The following COL4A3 variants were observed in gnomAD, a reference collection of about 807,000 sequenced individuals.
COL4A3 encodes collagen alpha-3(IV) chain.
In COL4A3, 135 loss-of-function variants were observed where a neutral mutation model predicts 217.4. That is an observed-to-expected ratio of 0.62 (90% CI 0.54 to 0.72). The LOEUF is 0.72. Among genes scored for constraint, COL4A3 ranks in the 30% least tolerant of loss-of-function variants. COL4A3 has a pLI of 0.00. For synonymous variants in COL4A3, 690 were observed against 736.3 expected (o/e 0.94, Z 1.02); for missense variants, 1,868 against 2,119.9 (o/e 0.88, Z 2.33).
intron 1 of COL4A3, among the ~76,000 whole-genome samples, chr2:227,231,635 C>T (rs1166298699): frequency 6.6e-6 from 1 of 152,154 alleles, no homozygotes; most frequent in African/African-American, 2.4e-5. Context: ...ATCCTCCCAT[C>T]TCAGCCCTCT....
intron 7 of COL4A3, 78 bp downstream of exon 7, chr2:227,246,816 C>A (rs764180248): frequency 4.1e-6 from 5 of 1,226,412 alleles, no homozygotes; most frequent in African/African-American, 1.5e-5. Context: ...GCCATATACA[C>A]AAATCCGTCA....
chr2:227,301,185 C>T (rs557567645), intron 43 of COL4A3, among the ~76,000 whole-genome samples: 89 of 152,342 alleles, frequency 5.8e-4, no homozygotes, highest in Middle Eastern at 3.4e-3. Flanking sequence ...TTTGATGTGG[C>T]TATTCACCAA....
chr2:227,226,873 G>A (rs1363397764), intron 1 of COL4A3, among the ~76,000 whole-genome samples: 2 of 152,216 alleles, frequency 1.3e-5, no homozygotes, highest in African/African-American at 2.4e-5. Context: ...GAGCCACGTA[G>A]TAAATATTTT....
At chr2:227,310,224 A>G (rs1442134233) in intron 50 of COL4A3, among the ~76,000 whole-genome samples, 1 of 152,186 alleles carries the variant, frequency 6.6e-6, no homozygotes, top group African/African-American at 2.4e-5. Context: ...GCCATGTGTG[A>G]CTGTGATGAC....
intron 37 of COL4A3, 128 bp from the exon 38 acceptor site, chr2:227,293,063 C>A: frequency 8.1e-7 from 1 of 1,242,106 alleles, no homozygotes; most frequent in Non-Finnish European, 1.1e-6. Context: ...TATCACAGTG[C>A]TGGCAGATAG....
At chr2:227,287,248 A>G (rs1419810203) in intron 34 of COL4A3, among the ~76,000 whole-genome samples, 1 of 151,688 alleles carries the variant, frequency 6.6e-6, no homozygotes, top group East Asian at 1.9e-4. Flanking sequence ...CCTGGCCAAC[A>G]TAGTGAAACC....
chr2:227,247,081 AAGG>A (rs2069393881), intron 7 of COL4A3, among the ~76,000 whole-genome samples: 3 of 152,202 alleles, frequency 2.0e-5, no homozygotes, highest in East Asian at 1.9e-4. Flanking sequence ...TGTTGAGATC[AAGG>A]AGAATGATCC....
At chr2:227,265,158 T>C (rs890873567) in intron 21 of COL4A3, 1 of 152,228 alleles carries the variant, frequency 6.6e-6, no homozygotes, top group Non-Finnish European at 1.5e-5. Context: ...CAGATATTTT[T>C]TGAATTAAGC....
chr2:227,192,579 G>A lies in COL4A3; in HGVS notation c.87+27766G>A, dbSNP rs145828819. 1.7e-4 allele frequency among the ~76,000 whole-genome samples: 26 copies of A among 152,324 alleles called. 1 individual carries two copies. The East Asian group carries it at 4.8e-3, about 28-fold the overall frequency. ...AACCCCACCACAATGGTGGTTGTAT[G>A]GAGATCACTTGACGGTCTCATGTGC... On this transcript the variant is annotated intron_variant, in intron 1 of 51. Transcript: ENST00000396578.
At chr2:227,180,522 C>T (rs1268302752) in intron 1 of COL4A3, among the ~76,000 whole-genome samples, 3 of 152,178 alleles carry the variant, frequency 2.0e-5, no homozygotes. Context: ...CAGGCAAGGA[C>T]ATCTGAGGCA....
At chr2:227,211,966 C>A (rs1271737062) in intron 1 of COL4A3, among the ~76,000 whole-genome samples, 1 of 152,120 alleles carries the variant, frequency 6.6e-6, no homozygotes, top group Admixed American at 6.5e-5. Context: ...CGTGCCCGGC[C>A]AGACTTGATT....
rs923489088 is a variant in COL4A3, at chr2:227,253,974, A to G, written c.766-138A>G. ...TTGAAATGTGAGAAATGGAAGGTGT[A>G]TTGGGTTGTGTTAACACGAGGCACA... is the stretch of plus-strand genomic sequence containing the variant. On this transcript the variant is annotated intron_variant, in intron 13 of 51. Coordinates refer to ENST00000396578, the MANE Select transcript of COL4A3 (RefSeq NM_000091.5). This position sits in a 1 kb window ranked among gnomAD's most constrained non-coding sequence, Gnocchi z 4.4. 7.3e-6 allele frequency: 6 copies of G among 816,850 alleles called. No homozygotes were observed. Among genetic ancestry groups the G allele is most frequent in the Non-Finnish European group, 1.3e-5 (6 of 470,298 alleles). 50.6% of individuals were successfully genotyped at this position (816,850 alleles called of 1,614,324 possible).
In COL4A3 at chr2:227,240,221, C is replaced by A. The variant is rs1288558822; in HGVS notation, c.223C>A (p.Gln75Lys). The change falls in exon 3 of 52, where the codon CAG becomes AAG. Residue 75 changes from glutamine to lysine, a missense_variant. Gln to Lys is a moderately conservative substitution (Grantham distance 53). Transcript: ENST00000396578. ...FTGPEGLPGP[Q>K]GPKGFPGLPG... The stretch of plus-strand genomic sequence containing the variant: ...AGGTCCTGAAGGCTTGCCTGGACCG[C>A]AGGGACCCAAGGTATGTCATCCTGC... 2 of 1,610,284 alleles carry A rather than the reference C, an allele frequency of 1.2e-6. No homozygotes were observed. Among genetic ancestry groups the A allele is most frequent in the Admixed American group, 3.4e-5 (2 of 59,618 alleles).
chr2:227,273,962 C>A (rs752802330), intron 26 of COL4A3, among the ~76,000 whole-genome samples: 2 of 152,092 alleles, frequency 1.3e-5, no homozygotes, highest in Non-Finnish European at 2.9e-5. Flanking sequence ...TTAGGCTGGG[C>A]ACAGTGACTC....
chr2:227,197,498 A>T (rs961797457), intron 1 of COL4A3, among the ~76,000 whole-genome samples: 1 of 152,322 alleles, frequency 6.6e-6, no homozygotes, highest in South Asian at 2.1e-4. Context: ...TTCTCAGAAC[A>T]TATCCTCATT....
chr2:227,217,536 G>A (rs1041484921), intron 1 of COL4A3, among the ~76,000 whole-genome samples: 10 of 152,056 alleles, frequency 6.6e-5, no homozygotes, highest in African/African-American at 2.4e-4. Flanking sequence ...TATAGGTTTG[G>A]GCTATAGAAA....
intron 1 of COL4A3, among the ~76,000 whole-genome samples, chr2:227,166,567 T>G (rs1456335718): frequency 6.6e-6 from 1 of 152,244 alleles, no homozygotes; most frequent in Non-Finnish European, 1.5e-5. Context: ...TGTTGTTACA[T>G]TCCTTTGTTA....
intron 18 of COL4A3, 140 bp from the exon 19 acceptor site, chr2:227,259,653 C>A: frequency 1.5e-6 from 1 of 673,142 alleles, no homozygotes; most frequent in Non-Finnish European, 2.7e-6. Context: ...TATCATATAC[C>A]TGCTAACATG....
In COL4A3 at chr2:227,250,969, T is replaced by A. The variant is rs974713728; in HGVS notation, c.547-171T>A. Reference sequence around the variant, plus strand: ...CGTCCAGTTGGTCCTGCCAGCCTGTTACACATGGCAACACTTTTTGATGTT... The same window carrying A: ...CGTCCAGTTGGTCCTGCCAGCCTGTAACACATGGCAACACTTTTTGATGTT... On this transcript the variant is annotated intron_variant, in intron 9 of 51. Transcript: ENST00000396578. This position sits in a 1 kb window ranked among gnomAD's most constrained non-coding sequence, Gnocchi z 4.1. Among the ~76,000 whole-genome samples, 7 of 152,236 alleles carry A rather than the reference T, an allele frequency of 4.6e-5. No individual in the cohort carries two copies. The South Asian group carries it at 1.4e-3, about 31-fold the overall frequency.
Sources: gnomAD v4.1 joint callset for allele counts (sites outside exome capture counted in the v4.1 genomes callset) on GRCh38, gnomAD v4.1.1 for gene constraint, Gnocchi (gnomAD v3.1) non-coding constraint, MANE v1.5 for transcripts, NCBI Gene and HGNC (gene_info 2026-07-23, HGNC 2026-07-21) for gene names.